The following CEP192 variants were observed in gnomAD, a reference collection of about 807,000 sequenced individuals.
The protein encoded by CEP192 is centrosomal protein of 192 kDa.
In CEP192, 151 loss-of-function variants were observed where a neutral mutation model predicts 271.8. The ratio of observed to expected loss-of-function variants is 0.56; its 90% CI spans 0.49 to 0.64. CEP192 has a LOEUF of 0.64. CEP192 is among the 30% of genes least tolerant of loss of function. The pLI, the probability that CEP192 is intolerant of heterozygous loss-of-function variation, is 0.00. For synonymous variants in CEP192, 995 were observed against 1,076.5 expected, an observed-to-expected ratio of 0.92 and a Z score of 1.48; for missense variants, 2,910 against 3,020.5, an observed-to-expected ratio of 0.96 and a Z score of 0.86.
intron 3 of CEP192, among the ~76,000 whole-genome samples, chr18:13,007,339 A>G (rs77482667): frequency 0.022 from 3,411 of 152,270 alleles, 65 homozygotes; most frequent in Non-Finnish European, 0.033. Flanking sequence ...AAAATATGGG[A>G]TAGCTGTCGT....
At chr18:13,014,510 T>C (rs576179955) in intron 5 of CEP192, among the ~76,000 whole-genome samples, 1 of 152,288 alleles carries the variant, frequency 6.6e-6, no homozygotes, top group African/African-American at 2.4e-5. Flanking sequence ...GTTTTACATA[T>C]TGTGCTTTCC....
At chr18:13,002,105 A>G (rs1440372849) in intron 3 of CEP192, among the ~76,000 whole-genome samples, 1 of 152,212 alleles carries the variant, frequency 6.6e-6, no homozygotes, top group Non-Finnish European at 1.5e-5. Flanking sequence ...TTGAAAAAAT[A>G]GAGAATATAG....
chr18:13,097,773 T>G (rs966951965), intron 36 of CEP192, among the ~76,000 whole-genome samples: 6 of 150,794 alleles, frequency 4.0e-5, no homozygotes, highest in Admixed American at 6.6e-5. Flanking sequence ...CTGGTTTTCC[T>G]AGGCAGAGGA....
intron 3 of CEP192, among the ~76,000 whole-genome samples, chr18:13,005,135 C>G (rs1369954542): frequency 1.3e-5 from 2 of 152,094 alleles, no homozygotes; most frequent in Non-Finnish European, 2.9e-5. Flanking sequence ...CATCTCCACA[C>G]CAGGTGATGA....
chr18:12,995,115 A>G (rs1369506591), intron 1 of CEP192, among the ~76,000 whole-genome samples: 3 of 137,482 alleles, frequency 2.2e-5, no homozygotes, highest in African/African-American at 5.6e-5. Flanking sequence ...AGGCTGGAGT[A>G]CAGTGGCGCG....
At chr18:13,024,334 T>G (rs2035166710) in intron 9 of CEP192, 2 of 456,368 alleles carry the variant, frequency 4.4e-6, no homozygotes, top group Non-Finnish European at 4.4e-6. Flanking sequence ...ACTAGTGTTT[T>G]AATGGTATAT....
intron 30 of CEP192, among the ~76,000 whole-genome samples, chr18:13,083,574 T>C (rs946764291): frequency 2.0e-5 from 3 of 152,220 alleles, no homozygotes; most frequent in African/African-American, 7.2e-5. Context: ...CTCCTTTAGC[T>C]CGGAGAAGTT....
chr18:12,997,091 C>T (rs748895625), intron 1 of CEP192, among the ~76,000 whole-genome samples: 10 of 151,910 alleles, frequency 6.6e-5, no homozygotes, highest in Non-Finnish European at 1.2e-4. Context: ...ACAGAAGACT[C>T]GATCATGTTA....
At chr18:12,999,365 A>G in intron 1 of CEP192, 56 bp from the exon 2 acceptor site, 1 of 1,273,086 alleles carries the variant, frequency 7.9e-7, no homozygotes, top group East Asian at 2.7e-5. Context: ...GCTTTTAATC[A>G]TTTAAAAACA....
intron 21 of CEP192, among the ~76,000 whole-genome samples, chr18:13,062,711 A>C (rs762174539): frequency 6.6e-6 from 1 of 152,178 alleles, no homozygotes; most frequent in Non-Finnish European, 1.5e-5. Flanking sequence ...TATCCCCTCA[A>C]GCATTTATCC....
chr18:13,117,122 G>A lies in CEP192; in HGVS notation c.7417-463G>A, dbSNP rs953530442. On this transcript the variant is annotated intron_variant, in intron 43 of 44. Coordinates refer to ENST00000506447, the MANE Select transcript of CEP192 (RefSeq NM_032142.4). ...ACCTGTAGTTCCAGCTACTTGTGGG[G>A]GCTGAGCTGAGAGGATCGCTTTAGG... is the stretch of plus-strand genomic sequence containing the variant. 3.9e-5 allele frequency among the ~76,000 whole-genome samples: 6 copies of A among 152,162 alleles called. 1 individual carries two copies. The Middle Eastern group carries it at 0.01, about 259-fold the overall frequency.
At chr18:13,011,337 T>C (rs2034346576) in intron 4 of CEP192, among the ~76,000 whole-genome samples, 1 of 152,042 alleles carries the variant, frequency 6.6e-6, no homozygotes, top group Non-Finnish European at 1.5e-5. Flanking sequence ...TTTGTGAGGA[T>C]ATGGAGAAAT....
intron 1 of CEP192, among the ~76,000 whole-genome samples, chr18:12,993,931 T>C (rs1487046838): frequency 6.6e-6 from 1 of 152,256 alleles, no homozygotes; most frequent in African/African-American, 2.4e-5. Context: ...TCCAGTTCTC[T>C]GTCAGGTATT....
intron 28 of CEP192, among the ~76,000 whole-genome samples, chr18:13,072,486 C>T (rs2038062059): frequency 6.6e-6 from 1 of 152,074 alleles, no homozygotes; most frequent in East Asian, 1.9e-4. Flanking sequence ...ACAGATAATA[C>T]CTATACACAT....
intron 13 of CEP192, among the ~76,000 whole-genome samples, chr18:13,040,541 A>G (rs1008407941): frequency 1.3e-5 from 2 of 152,214 alleles, no homozygotes; most frequent in African/African-American, 2.4e-5. Flanking sequence ...TATCTGCTGC[A>G]GGTGTGAGCC....
intron 9 of CEP192, among the ~76,000 whole-genome samples, chr18:13,025,747 T>C (rs1335798206): frequency 6.6e-6 from 1 of 152,168 alleles, no homozygotes; most frequent in Non-Finnish European, 1.5e-5. Flanking sequence ...CTTGTATCAT[T>C]GCTATCATTC....
At chr18:12,997,292 A>G (rs527701373) in intron 1 of CEP192, among the ~76,000 whole-genome samples, 11 of 152,310 alleles carry the variant, frequency 7.2e-5, no homozygotes, top group Non-Finnish European at 1.2e-4. Context: ...ATTAACATCC[A>G]AAAAGTCTGA....
At chr18:13,039,749 G>A (rs1191531963) in intron 13 of CEP192, among the ~76,000 whole-genome samples, 1 of 152,176 alleles carries the variant, frequency 6.6e-6, no homozygotes, top group Non-Finnish European at 1.5e-5. Flanking sequence ...TTGTTGTGGT[G>A]CCAGCCCATC....
intron 21 of CEP192, among the ~76,000 whole-genome samples, chr18:13,065,686 T>G (rs575407968): frequency 2.4e-4 from 37 of 152,154 alleles, no homozygotes; most frequent in Non-Finnish European, 4.9e-4. Flanking sequence ...CAAGTTATAT[T>G]CCATGCACTC....
Sources: gnomAD v4.1 joint callset for allele counts (sites outside exome capture counted in the v4.1 genomes callset) on GRCh38, gnomAD v4.1.1 for gene constraint, MANE v1.5 for transcripts, NCBI Gene and HGNC (gene_info 2026-07-23, HGNC 2026-07-21) for gene names.